Variants in DDX54 observed in about 807,000 individuals in gnomAD.
DDX54 encodes DEAD-box helicase 54, also known as ATP-dependent RNA helicase DDX54.
A neutral mutation model predicts 105.5 loss-of-function variants in DDX54; 67 were observed. The ratio of observed to expected loss-of-function variants is 0.64; its 90% CI spans 0.52 to 0.78. The LOEUF (loss-of-function observed/expected upper bound fraction) is 0.78. Ranked by LOEUF, DDX54 falls within the 30% of genes least tolerant of loss-of-function variation. DDX54 has a pLI of 0.00. For synonymous variants in DDX54, 514 were observed against 509.9 expected (o/e 1.01, Z -0.11); for missense variants, 1,206 against 1,230.5 (o/e 0.98, Z 0.30).
In DDX54 at chr12:113,165,860, C is replaced by T. The variant is rs1022897671; in HGVS notation, c.1587G>A (p.Glu529=). 1.9e-6 allele frequency: 3 copies of T among 1,613,378 alleles called. No homozygotes were observed. The Admixed American group carries it at 5.0e-5, about 27-fold the overall frequency. ...CCATCTCCTTGGCCCTCTTGATGGACTCAGGCGAGGGCGCCGGGCGTGAGC... is the reference window on the plus strand; with the variant it reads ...CCATCTCCTTGGCCCTCTTGATGGATTCAGGCGAGGGCGCCGGGCGTGAGC... ...YVRSRPAPSP[E]SIKRAKEMDL... is the part of the protein sequence containing the mutation. Residue 529 remains glutamate (E), a synonymous_variant, in exon 13 of 20, where the codon GAG becomes GAA. Transcript: ENST00000306014.
rs527383383 is a variant in DDX54 at position 113,178,325 on chromosome 12, ACT to A, written c.614+650_614+651del. ...CACCTGTCTGTCCTGTGAGCTGATG[ACT>A]CTATTTCAGGAGCATCAGAACTTCT... On this transcript the variant is annotated intron_variant, in intron 5 of 19. Coordinates refer to ENST00000306014, the MANE Select transcript of DDX54 (RefSeq NM_024072.4). 213 of 152,310 alleles carry A rather than the reference ACT, an allele frequency of 1.4e-3. 5 individuals carry two copies. The highest frequency in any genetic ancestry group is 0.013 in the Admixed American group (205 of 15,298). 9.4% of individuals were successfully genotyped at this position (152,310 alleles called of 1,614,324 possible). A position where few individuals can be genotyped will look rare whatever the true frequency, so the allele number is the denominator to read the frequency against.
chr12:113,170,945 T>A, intron 11 of DDX54, among the ~76,000 whole-genome samples: 1 of 152,230 alleles, frequency 6.6e-6, no homozygotes. Flanking sequence ...CAATTTTGCA[T>A]GAAGTACCTA....
chr12:113,160,855 T>C (rs1031252431), intron 19 of DDX54, among the ~76,000 whole-genome samples: 6 of 152,232 alleles, frequency 3.9e-5, no homozygotes, highest in South Asian at 2.1e-4. Context: ...AATGCCATTT[T>C]TGCAGGTGAA....
Position 113,157,684 on chromosome 12 carries a change from GAC to G in DDX54, c.*1191_*1192del. On this transcript the variant is annotated 3_prime_UTR_variant, in exon 20 of 20. Transcript: ENST00000306014. ...CCTGCAGCCCCTGCCTCCTAGCCCTGACACAGGTGAGCAGCGGGAGAGGGAAC... is the reference window on the plus strand; with the variant it reads ...CCTGCAGCCCCTGCCTCCTAGCCCTGACAGGTGAGCAGCGGGAGAGGGAAC... The G allele has an allele frequency of 6.4e-7, 1 of 1,551,202 alleles. No homozygotes were observed. The highest frequency in any genetic ancestry group is 8.7e-7 in the Non-Finnish European group (1 of 1,146,766).
chr12:113,162,040 C>G (rs1192462515), intron 17 of DDX54, 43 bp from the exon 18 acceptor site: 2 of 1,593,776 alleles, frequency 1.3e-6, no homozygotes, highest in Non-Finnish European at 1.7e-6. Context: ...GAGGGAAACC[C>G]TTGGAGTGCC....
rs987309600 is a variant in DDX54, at chr12:113,158,554, G to A, written c.*323C>T. On this transcript the variant is annotated 3_prime_UTR_variant, in exon 20 of 20. Coordinates refer to ENST00000306014, the MANE Select transcript of DDX54 (RefSeq NM_024072.4). The surrounding 1 kb of genome is among the most constrained non-coding windows in gnomAD (Gnocchi z 4.9). The stretch of plus-strand genomic sequence containing the variant: ...ATTGCCAAACCCTGAGGCACTCAGG[G>A]CTCTGACCGGTGCAGCCATGACCTC... 2.4e-5 allele frequency: 7 copies of A among 294,082 alleles called. No individual in the cohort carries two copies. The highest frequency in any genetic ancestry group is 4.4e-5 in the Non-Finnish European group (7 of 160,014). 18.2% of individuals were successfully genotyped at this position (294,082 alleles called of 1,614,324 possible). A position where few individuals can be genotyped will look rare whatever the true frequency, so the allele number is the denominator to read the frequency against.
chr12:113,161,846 T>G, intron 18 of DDX54, 47 bp downstream of exon 18: 1 of 1,179,330 alleles, frequency 8.5e-7, no homozygotes, highest in Non-Finnish European at 1.1e-6. Context: ...CTGCTCCTGC[T>G]GAAGCTCCTC....
intron 10 of DDX54, among the ~76,000 whole-genome samples, chr12:113,173,963 A>C (rs1168938466): frequency 6.6e-6 from 1 of 152,146 alleles, no homozygotes; most frequent in Non-Finnish European, 1.5e-5. Flanking sequence ...CGGGCAGATC[A>C]TTTGAGGTCA....
At position 113,161,354 on chromosome 12, in the gene DDX54, TTTTCTG is replaced by T; in HGVS notation, c.2323_2328del (p.Gln775_Lys776del). ...TCTTCGTCCGAGTCACGATCATCAA[TTTTCTG>T]TTTCTGTTTCCACTTCTGATAGCTG... On this transcript the variant is annotated inframe_deletion, in exon 19 of 20. Transcript: ENST00000306014. 1 of 1,613,266 alleles carries T rather than the reference TTTTCTG, an allele frequency of 6.2e-7. No homozygotes were observed. Among genetic ancestry groups the T allele is most frequent in the Middle Eastern group, 1.7e-4 (1 of 6,060 alleles).
rs2305898 is a variant in DDX54, at chr12:113,179,591, G to C, written c.376-260C>G. 0.014 allele frequency among the ~76,000 whole-genome samples: 2,096 copies of C among 152,282 alleles called. 86 individuals are homozygous for C. The East Asian group carries it at 0.16, about 12-fold the overall frequency. On this transcript the variant is annotated intron_variant, in intron 3 of 19. Coordinates refer to ENST00000306014, the MANE Select transcript of DDX54 (RefSeq NM_024072.4). ...GGAGCCAGACTCTACCTCCCGTCTA[G>C]TCCTCCTCCTCAGAACCCCAGAGAA...
At chr12:113,179,113 C>T (rs1320055933) in intron 4 of DDX54, 30 bp downstream of exon 4, 1 of 1,613,402 alleles carries the variant, frequency 6.2e-7, no homozygotes, top group Non-Finnish European at 8.5e-7. Flanking sequence ...TCAGCCCTTG[C>T]CTCCAGCCTC....
chr12:113,161,311 C>T lies in DDX54; in HGVS notation c.2372G>A (p.Arg791Gln), dbSNP rs1404317942. 2 of 1,613,696 alleles carry T rather than the reference C, an allele frequency of 1.2e-6. No individual in the cohort carries two copies. Among genetic ancestry groups the T allele is most frequent in the Non-Finnish European group, 1.7e-6 (2 of 1,179,800 alleles). Reference sequence around the variant, plus strand: ...CTTCCCACCTCTTCGCTCTGGGCCTCGCCGGTCAGATGCCCCTTCTTCGTC... The same window carrying T: ...CTTCCCACCTCTTCGCTCTGGGCCTTGCCGGTCAGATGCCCCTTCTTCGTC... Reference protein sequence around the residue: ...DSDEEGASDRRGPERRGGKRD... With the variant: ...DSDEEGASDRQGPERRGGKRD... Residue 791 changes from arginine (R) to glutamine (Q), a missense_variant, in exon 19 of 20, where the codon CGA becomes CAA. Arg to Gln is a conservative substitution (Grantham distance 43). Transcript: ENST00000306014.
At chr12:113,179,089 T>C (rs767376046) in intron 4 of DDX54, 54 bp downstream of exon 4, 4 of 1,613,356 alleles carry the variant, frequency 2.5e-6, no homozygotes, top group Non-Finnish European at 3.4e-6. Context: ...GTGGCCTCTG[T>C]GTCCGGTCCC....
rs1566089874 is a variant in DDX54, at chr12:113,157,336, C to A, written c.*1541G>T. The A allele has an allele frequency of 4.0e-6, 2 of 495,478 alleles. No individual in the cohort carries two copies. The highest frequency in any genetic ancestry group is 6.0e-5 in the East Asian group (2 of 33,230). 30.7% of individuals were successfully genotyped at this position (495,478 alleles called of 1,614,324 possible). A position where few individuals can be genotyped will look rare whatever the true frequency, so the allele number is the denominator to read the frequency against. On this transcript the variant is annotated 3_prime_UTR_variant, in exon 20 of 20. Transcript: ENST00000306014. The stretch of plus-strand genomic sequence containing the variant: ...AAGCTGATTGATGTAAATGAAAATA[C>A]TAATTGGATAGTGCAGGTGACAGCA...
intron 8 of DDX54, 27 bp from the exon 9 acceptor site, chr12:113,174,963 GGAGTCGCAGAGGGACTGGCCCCCAGGCC>G: frequency 1.9e-6 from 3 of 1,612,196 alleles, no homozygotes; most frequent in Non-Finnish European, 1.7e-6. Context: ...GGAAAGTGGG[GGAGTCGCAGAGGGACTGGCCCCCAGGCC>G]CCAGCCTGAC....
In DDX54 at chr12:113,163,171, T is replaced by C; in HGVS notation, c.2042A>G (p.Tyr681Cys). ...EEARQRDQEF[Y>C]IPYRPKDFDS... is the part of the protein sequence containing the mutation. ...AAAGTCCTTGGGCCGGTAGGGGATG[T>C]AGAATTCCTGGTCCCGCTGCCGGGC... The change falls in exon 16 of 20, where the codon TAC (tyrosine) becomes TGC (cysteine). Residue 681 changes from tyrosine (Y) to cysteine (C), a missense_variant. Tyr to Cys is a radical substitution (Grantham distance 194). Transcript: ENST00000306014. The surrounding 1 kb of genome is among the most constrained non-coding windows in gnomAD (Gnocchi z 5.9). 6.2e-7 allele frequency: 1 copy of C among 1,613,126 alleles called. No individual in the cohort carries two copies. Among genetic ancestry groups the C allele is most frequent in the East Asian group, 2.2e-5 (1 of 44,864 alleles).
At chr12:113,175,012 C>T (rs1187383348) in intron 8 of DDX54, 24 bp downstream of exon 8, 1 of 1,613,098 alleles carries the variant, frequency 6.2e-7, no homozygotes, top group South Asian at 1.1e-5. Flanking sequence ...CCCCAGCCCC[C>T]ATCTCCACCC....
chr12:113,164,063 G>C lies in DDX54; in HGVS notation c.1938+4C>G, dbSNP rs763115472. On this transcript the variant is annotated splice_donor_region_variant and intron_variant, in intron 15 of 19. Transcript: ENST00000306014. ...GTCCAGGGTCCCCAGGGTGGAACCT[G>C]TACCTCCACACTCTCTCCCGCCTCC... is the stretch of plus-strand genomic sequence containing the variant. 1.5e-5 allele frequency: 23 copies of C among 1,544,662 alleles called. No homozygotes were observed. In the African/African-American group the frequency reaches 3.0e-4, roughly 20 times the overall value.
chr12:113,162,346 G>A (rs892409707), intron 17 of DDX54, among the ~76,000 whole-genome samples: 1 of 152,184 alleles, frequency 6.6e-6, no homozygotes, highest in Admixed American at 6.5e-5. Context: ...AGACGCTAGA[G>A]TCCTGAACGA....
Sources: allele counts gnomAD v4.1 joint callset (sites outside exome capture counted in the v4.1 genomes callset), GRCh38; gene constraint gnomAD v4.1.1; non-coding constraint Gnocchi (gnomAD v3.1); transcripts MANE v1.5; gene names NCBI Gene and HGNC (gene_info 2026-07-23, HGNC 2026-07-21).